SLC49A4: variants seen among roughly 807,000 people sequenced by gnomAD.
The protein encoded by SLC49A4 is disrupted in renal cancer protein 2.
Under a neutral mutation model 50.6 loss-of-function variants are expected in SLC49A4, and 36 were observed. The ratio of observed to expected loss-of-function variants is 0.71; its 90% CI spans 0.55 to 0.94. SLC49A4 has a LOEUF of 0.94. Among genes scored for constraint, SLC49A4 ranks in the 40% least tolerant of loss-of-function variants. The probability of loss-of-function intolerance (pLI) is 0.00; values close to 1 mark genes in which losing one functional copy is unlikely to be tolerated. For synonymous variants in SLC49A4, 248 were observed against 241.2 expected, an observed-to-expected ratio of 1.03 and a Z score of -0.26; for missense variants, 503 against 605.7, an observed-to-expected ratio of 0.83 and a Z score of 1.78.
chr3:122,827,785 T>C (rs887695004), intron 3 of SLC49A4, among the ~76,000 whole-genome samples: 1 of 152,238 alleles, frequency 6.6e-6, no homozygotes, highest in Non-Finnish European at 1.5e-5. Flanking sequence ...GAGACAATTA[T>C]AATACAAGTA....
intron 5 of SLC49A4, among the ~76,000 whole-genome samples, chr3:122,851,211 T>A (rs1295931168): frequency 1.3e-5 from 2 of 152,234 alleles, no homozygotes; most frequent in Non-Finnish European, 2.9e-5. Flanking sequence ...TCTTCATGTT[T>A]ACTCATTTTG....
At chr3:122,854,817 C>T (rs561061934) in intron 5 of SLC49A4, among the ~76,000 whole-genome samples, 4 of 152,250 alleles carry the variant, frequency 2.6e-5, no homozygotes, top group East Asian at 1.9e-4. Flanking sequence ...AAAGGCTGGG[C>T]GCGGTGGCTC....
intron 2 of SLC49A4, among the ~76,000 whole-genome samples, chr3:122,808,068 A>G (rs959779012): frequency 1.3e-5 from 2 of 152,214 alleles, no homozygotes; most frequent in South Asian, 2.1e-4. Flanking sequence ...CATTCATTCA[A>G]CAGAATTCAC....
Position 122,879,290 on chromosome 3 carries a change from C to T in SLC49A4, c.1349C>T (p.Pro450Leu), listed in dbSNP as rs374610376. 6.3e-5 allele frequency: 101 copies of T among 1,613,806 alleles called. No homozygotes were observed. Among genetic ancestry groups the T allele is most frequent in the Non-Finnish European group, 7.7e-5 (91 of 1,179,912 alleles). Residue 450 changes from proline (P) to leucine (L), a missense_variant, in exon 9 of 9, where the codon CCC becomes CTC. By Grantham distance (98) the Pro-to-Leu change is moderately conservative (BLOSUM62 -3). Transcript: ENST00000261038. Reference sequence around the variant, plus strand: ...TTGTCTTGGTTCAACTGGTGCCTTCCCGGGTCGTGTTTGCTCAGTCTCCTC... The same window carrying T: ...TTGTCTTGGTTCAACTGGTGCCTTCTCGGGTCGTGTTTGCTCAGTCTCCTC... ...TELSWFNWCL[P>L]GSCLLSLLLI...
At chr3:122,836,280 T>A (rs1936684777) in intron 4 of SLC49A4, among the ~76,000 whole-genome samples, 1 of 151,402 alleles carries the variant, frequency 6.6e-6, no homozygotes, top group African/African-American at 2.4e-5. Context: ...TGATTCTGTT[T>A]ATATGCTGGA....
intron 8 of SLC49A4, among the ~76,000 whole-genome samples, chr3:122,875,355 T>C (rs912735011): frequency 6.6e-6 from 1 of 152,128 alleles, no homozygotes; most frequent in African/African-American, 2.4e-5. Flanking sequence ...GGCCTGAATT[T>C]TTTAGGGGTG....
chr3:122,872,368 C>T (rs1937206818), intron 7 of SLC49A4, 47 bp from the exon 8 acceptor site: 1 of 1,483,512 alleles, frequency 6.7e-7, no homozygotes, highest in Non-Finnish European at 9.3e-7. Context: ...TCTGATATGA[C>T]TCACTGCCGC....
At chr3:122,843,672 C>T (rs951077958) in intron 4 of SLC49A4, among the ~76,000 whole-genome samples, 1 of 152,142 alleles carries the variant, frequency 6.6e-6, no homozygotes, top group African/African-American at 2.4e-5. Flanking sequence ...TGTTGAGGAG[C>T]CAGCACTTTT....
rs1937306138 is a variant in SLC49A4, at chr3:122,879,392, A to G, written c.*14A>G. 5 of 1,595,874 alleles carry G rather than the reference A, an allele frequency of 3.1e-6. No homozygotes were observed. Among genetic ancestry groups the G allele is most frequent in the Non-Finnish European group, 4.3e-6 (5 of 1,164,274 alleles). ...GTCTCCGTTTAATAGCACAGACTTG[A>G]AGGAGTTTAAAAGGAGGCTGGAAAT... is the stretch of plus-strand genomic sequence containing the variant. On this transcript the variant is annotated 3_prime_UTR_variant, in exon 9 of 9. Transcript: ENST00000261038.
At chr3:122,819,466 G>A (rs1257607599) in intron 2 of SLC49A4, among the ~76,000 whole-genome samples, 1 of 152,110 alleles carries the variant, frequency 6.6e-6, no homozygotes, top group Non-Finnish European at 1.5e-5. Context: ...TTAGGGCCAA[G>A]ACTGTAATGT....
chr3:122,867,273 A>G (rs1007945365), intron 7 of SLC49A4, among the ~76,000 whole-genome samples: 1 of 152,220 alleles, frequency 6.6e-6, no homozygotes, highest in African/African-American at 2.4e-5. Context: ...TAGGCCTTTC[A>G]TGTCAATACC....
intron 2 of SLC49A4, among the ~76,000 whole-genome samples, chr3:122,821,829 A>G: frequency 6.6e-6 from 1 of 152,070 alleles, no homozygotes; most frequent in East Asian, 1.9e-4. Flanking sequence ...ACCCTAAAAC[A>G]TCTTTTTTTA....
intron 4 of SLC49A4, among the ~76,000 whole-genome samples, chr3:122,843,947 G>C (rs757307264): frequency 2.0e-5 from 3 of 152,132 alleles, no homozygotes. Flanking sequence ...GTACTCCATG[G>C]TATTAATCTA....
At chr3:122,859,768 G>A (rs1183623594) in intron 6 of SLC49A4, among the ~76,000 whole-genome samples, 2 of 152,050 alleles carry the variant, frequency 1.3e-5, no homozygotes, top group Non-Finnish European at 2.9e-5. Flanking sequence ...GCAGTGAGCC[G>A]TGATCACATC....
At chr3:122,851,312 A>G (rs555034223) in intron 5 of SLC49A4, among the ~76,000 whole-genome samples, 279 of 152,148 alleles carry the variant, frequency 1.8e-3, no homozygotes, top group Non-Finnish European at 2.8e-3. Flanking sequence ...TGTTTATTGT[A>G]CAGGTCTGTG....
chr3:122,827,110 C>T lies in SLC49A4; in HGVS notation c.703+45C>T, dbSNP rs920590172. On this transcript the variant is annotated intron_variant, in intron 3 of 8. Transcript: ENST00000261038. Reference sequence around the variant, plus strand: ...CTTCTTGTTATACTTTGTCTTTTATCTCAATCATCTTCACTCTACTTTTTG... The same window carrying T: ...CTTCTTGTTATACTTTGTCTTTTATTTCAATCATCTTCACTCTACTTTTTG... 7.0e-6 allele frequency: 11 copies of T among 1,570,854 alleles called. 1 individual carries two copies.
chr3:122,848,628 T>C (rs1280816881), intron 5 of SLC49A4, among the ~76,000 whole-genome samples: 1 of 152,210 alleles, frequency 6.6e-6, no homozygotes, highest in Non-Finnish European at 1.5e-5. Context: ...CTCAGGTATT[T>C]GATACTTTTT....
chr3:122,803,529 C>T (rs11714820), intron 1 of SLC49A4, among the ~76,000 whole-genome samples: 14,371 of 152,246 alleles, frequency 0.094, 739 homozygotes, highest in East Asian at 0.14. Flanking sequence ...TTCTGACAAT[C>T]TCCAAGGCAG....
chr3:122,816,033 A>T (rs748990430), intron 2 of SLC49A4, among the ~76,000 whole-genome samples: 1 of 152,070 alleles, frequency 6.6e-6, no homozygotes, highest in Non-Finnish European at 1.5e-5. Context: ...TATGGTTCTT[A>T]TACCTGTTGA....
Sources: gnomAD v4.1 joint callset for allele counts (sites outside exome capture counted in the v4.1 genomes callset) on GRCh38, gnomAD v4.1.1 for gene constraint, MANE v1.5 for transcripts, NCBI Gene and HGNC (gene_info 2026-07-23, HGNC 2026-07-21) for gene names.